Variants in TC2N observed in about 807,000 individuals in gnomAD.
TC2N encodes tandem C2 domains, nuclear, also known as tandem C2 domains nuclear protein.
TC2N carries 51 observed loss-of-function variants against 61.9 expected under a neutral mutation model. That is an observed-to-expected ratio of 0.82 (90% CI 0.66 to 1.04). The LOEUF (loss-of-function observed/expected upper bound fraction) is 1.04, where lower values mean the gene tolerates loss of function less well. Ranked by LOEUF, TC2N falls within the 50% of genes least tolerant of loss-of-function variation. The probability of loss-of-function intolerance (pLI) is 0.00; values close to 1 mark genes in which losing one functional copy is unlikely to be tolerated. For synonymous variants in TC2N, 204 were observed against 192.6 expected (o/e 1.06, Z -0.49); for missense variants, 556 against 566.7 (o/e 0.98, Z 0.19).
intron 8 of TC2N, among the ~76,000 whole-genome samples, chr14:91,794,949 T>C (rs1885827693): frequency 6.6e-6 from 1 of 152,120 alleles, no homozygotes; most frequent in African/African-American, 2.4e-5. Context: ...ATTAAGAAAA[T>C]TCATGATGCA....
At chr14:91,810,657 T>C (rs1434162246) in intron 3 of TC2N, among the ~76,000 whole-genome samples, 1 of 151,166 alleles carries the variant, frequency 6.6e-6, no homozygotes, top group East Asian at 1.9e-4. Context: ...TAAAAGAAAA[T>C]AGGTTTGCAA....
chr14:91,809,214 C>G (rs939937776), intron 3 of TC2N, among the ~76,000 whole-genome samples: 6 of 152,050 alleles, frequency 3.9e-5, no homozygotes, highest in African/African-American at 1.4e-4. Context: ...AGTTCAAGAC[C>G]AGCCTGGCCA....
chr14:91,831,835 T>C (rs1240218682), intron 1 of TC2N, among the ~76,000 whole-genome samples: 1 of 152,176 alleles, frequency 6.6e-6, no homozygotes, highest in Non-Finnish European at 1.5e-5. Flanking sequence ...ACCCCCCTGC[T>C]TTTAGTAGAA....
chr14:91,803,066 G>T (rs898343409), intron 3 of TC2N, among the ~76,000 whole-genome samples: 3 of 152,012 alleles, frequency 2.0e-5, no homozygotes, highest in Non-Finnish European at 4.4e-5. Context: ...AGAAAAGAAG[G>T]CCTAGAAATA....
chr14:91,862,200 C>A (rs899292100), intron 1 of TC2N, among the ~76,000 whole-genome samples: 1 of 151,424 alleles, frequency 6.6e-6, no homozygotes, highest in African/African-American at 2.4e-5. Flanking sequence ...ATCAGCCAGG[C>A]GTGGTGGCGG....
intron 8 of TC2N, 45 bp downstream of exon 8, chr14:91,797,740 A>T (rs913418863): frequency 3.1e-6 from 4 of 1,286,552 alleles, no homozygotes; most frequent in Admixed American, 2.1e-5. Context: ...CAAATATAAA[A>T]AAAAAAAAAA....
At chr14:91,784,353 G>A (rs935058012) in intron 11 of TC2N, among the ~76,000 whole-genome samples, 6 of 151,916 alleles carry the variant, frequency 3.9e-5, no homozygotes, top group African/African-American at 1.4e-4. Context: ...AATAATAAAT[G>A]ATAAAACAAC....
intron 3 of TC2N, among the ~76,000 whole-genome samples, chr14:91,803,250 T>C (rs1886344626): frequency 6.6e-6 from 1 of 151,946 alleles, no homozygotes; most frequent in Non-Finnish European, 1.5e-5. Context: ...TAGATCTAAA[T>C]GAAATATTAC....
rs1010867116 is a variant in TC2N, at chr14:91,780,083, C to T, written c.*3017G>A. The T allele has an allele frequency of 1.3e-5, 2 of 152,264 alleles. No homozygotes were observed. The highest frequency in any genetic ancestry group is 1.5e-5 in the Non-Finnish European group (1 of 68,028). 9.4% of individuals were successfully genotyped at this position (152,264 alleles called of 1,614,324 possible). ...GAAATTTAATTTTGAATAAAAATTACAGCTTATGCACCAAGATAACATTAG... is the reference window on the plus strand; with the variant it reads ...GAAATTTAATTTTGAATAAAAATTATAGCTTATGCACCAAGATAACATTAG... On this transcript the variant is annotated 3_prime_UTR_variant, in exon 12 of 12. Coordinates refer to ENST00000435962, the MANE Select transcript of TC2N (RefSeq NM_001128596.3).
Position 91,837,428 on chromosome 14 carries a change from C to A in TC2N, c.-56-23603G>T, listed in dbSNP as rs1888066596. 6.6e-6 allele frequency among the ~76,000 whole-genome samples: 1 copy of A among 152,154 alleles called. No individual in the cohort carries two copies. Among genetic ancestry groups the A allele is most frequent in the African/African-American group, 2.4e-5 (1 of 41,442 alleles). On this transcript the variant is annotated intron_variant, in intron 1 of 11. Coordinates refer to ENST00000435962, the MANE Select transcript of TC2N (RefSeq NM_001128596.3). This position sits in a 1 kb window ranked among gnomAD's most constrained non-coding sequence, Gnocchi z 4.2. ...AGAGATGAAGTCTTATTATATGGCCCAGGCTAGTCTTGAACTCCTGGACTC... is the reference window on the plus strand; with the variant it reads ...AGAGATGAAGTCTTATTATATGGCCAAGGCTAGTCTTGAACTCCTGGACTC...
At chr14:91,800,060 T>C (rs902455126) in intron 5 of TC2N, among the ~76,000 whole-genome samples, 1 of 152,090 alleles carries the variant, frequency 6.6e-6, no homozygotes, top group Non-Finnish European at 1.5e-5. Context: ...AACTGAGATA[T>C]AAAATTTATT....
intron 1 of TC2N, among the ~76,000 whole-genome samples, chr14:91,821,138 A>G (rs990424995): frequency 7.9e-5 from 12 of 152,018 alleles, no homozygotes; most frequent in African/African-American, 2.7e-4. Context: ...CCTAAAACTC[A>G]TATGGGAACG....
At chr14:91,860,066 A>G (rs528209540) in intron 1 of TC2N, among the ~76,000 whole-genome samples, 3 of 152,320 alleles carry the variant, frequency 2.0e-5, no homozygotes, top group Admixed American at 2.0e-4. Flanking sequence ...CTTACTCTTT[A>G]GAAAGATCGC....
chr14:91,787,401 TA>T (rs984020200), intron 10 of TC2N, 111 bp downstream of exon 10: 3 of 625,854 alleles, frequency 4.8e-6, no homozygotes, highest in Admixed American at 7.3e-5. Flanking sequence ...GTAAATAAGT[TA>T]AATAATAAAA....
chr14:91,823,621 A>G (rs1887360457), intron 1 of TC2N, among the ~76,000 whole-genome samples: 4 of 152,104 alleles, frequency 2.6e-5, no homozygotes, highest in Admixed American at 2.6e-4. Context: ...TTAGGTTTAG[A>G]ACCAAACCCT....
At chr14:91,802,550 C>T (rs1886310660) in intron 3 of TC2N, 129 bp from the exon 4 acceptor site, 1 of 753,530 alleles carries the variant, frequency 1.3e-6, no homozygotes, top group South Asian at 1.8e-5. Flanking sequence ...TCTTTGATAG[C>T]TAAAAAGATC....
At chr14:91,806,386 G>C (rs1595240469) in intron 3 of TC2N, among the ~76,000 whole-genome samples, 1 of 152,182 alleles carries the variant, frequency 6.6e-6, no homozygotes, top group African/African-American at 2.4e-5. Flanking sequence ...AAGACAGGAA[G>C]ATGTGGGAAA....
At chr14:91,804,943 C>A (rs116385434) in intron 3 of TC2N, among the ~76,000 whole-genome samples, 6 of 152,042 alleles carry the variant, frequency 3.9e-5, no homozygotes, top group Non-Finnish European at 8.8e-5. Context: ...CATTTTTCTA[C>A]GTGTATAATA....
In TC2N at chr14:91,797,917, A is replaced by G. The variant is rs201628823; in HGVS notation, c.739-16T>C. On this transcript the variant is annotated splice_polypyrimidine_tract_variant and intron_variant, in intron 7 of 11. Coordinates refer to ENST00000435962, the MANE Select transcript of TC2N (RefSeq NM_001128596.3). ...AATCTCTGCACTAAAAAAATTAAAAATACAGTTTGAATTTTACAAAGGATC... is the reference window on the plus strand; with the variant it reads ...AATCTCTGCACTAAAAAAATTAAAAGTACAGTTTGAATTTTACAAAGGATC... 36 of 1,419,916 alleles carry G rather than the reference A, an allele frequency of 2.5e-5. No individual in the cohort carries two copies. Among genetic ancestry groups the G allele is most frequent in the Non-Finnish European group, 3.4e-5 (35 of 1,016,930 alleles). The allele number at this position is 1,419,916 out of a possible 1,614,324, so 88.0% of individuals were successfully genotyped here. A position where few individuals can be genotyped will look rare whatever the true frequency, so the allele number is the denominator to read the frequency against.
Sources: gnomAD v4.1 joint callset for allele counts (sites outside exome capture counted in the v4.1 genomes callset) on GRCh38, gnomAD v4.1.1 for gene constraint, Gnocchi (gnomAD v3.1) non-coding constraint, MANE v1.5 for transcripts, NCBI Gene and HGNC (gene_info 2026-07-23, HGNC 2026-07-21) for gene names.